Variants in C6orf118 observed in about 807,000 individuals in gnomAD.
C6orf118 encodes the protein chromosome 6 open reading frame 118, also known as uncharacterized protein C6orf118.
A neutral mutation model predicts 50.2 loss-of-function variants in C6orf118; 50 were observed. That is an observed-to-expected ratio of 1.00 (90% confidence interval 0.79 to 1.26). C6orf118 has a LOEUF of 1.26. Ranked by LOEUF, C6orf118 falls within the 50% of genes most tolerant of loss-of-function variation. The pLI is 0.00. For synonymous variants in C6orf118, 239 were observed against 230.9 expected (o/e 1.03, Z -0.32); for missense variants, 641 against 578.7 (o/e 1.11, Z -1.10).
chr6:165,291,677 A>G (rs117331290), intron 6 of C6orf118, among the ~76,000 whole-genome samples: 18 of 152,328 alleles, frequency 1.2e-4, no homozygotes, highest in Non-Finnish European at 2.4e-4. Context: ...TAGATTTGGA[A>G]TTTAAAAAAA....
intron 4 of C6orf118, 37 bp downstream of exon 4, chr6:165,299,406 G>A (rs368052996): frequency 9.4e-6 from 15 of 1,593,174 alleles, no homozygotes; most frequent in South Asian, 1.1e-5. Context: ...CTATGGATAA[G>A]CAGGCTCTAT....
At position 165,301,681 on chromosome 6, in the gene C6orf118, C is replaced by A. The variant is rs1465470792; in HGVS notation, c.641G>T (p.Arg214Met). 1 of 1,614,074 alleles carries A rather than the reference C, an allele frequency of 6.2e-7. No individual in the cohort carries two copies. Among genetic ancestry groups the A allele is most frequent in the Non-Finnish European group, 8.5e-7 (1 of 1,180,044 alleles). Residue 214 changes from arginine to methionine, a missense_variant, in exon 2 of 9, where the codon AGG (arginine) becomes ATG (methionine). Arg to Met is a moderately conservative substitution (Grantham distance 91). Transcript: ENST00000230301. ...CTGGAAACGCAGGAACATCCTGTAC[C>A]TGTCTGCGCTGGTGGCTCCGGCCAG... ...SYLAGATSAD[R>M]YRMFLRFQKE... is the part of the protein sequence containing the mutation.
At chr6:165,283,248 T>TC (rs1334456355) in intron 7 of C6orf118, among the ~76,000 whole-genome samples, 1 of 152,104 alleles carries the variant, frequency 6.6e-6, no homozygotes, top group East Asian at 1.9e-4. Flanking sequence ...AAGGGGACCT[T>TC]CCGCTCCCAG....
intron 5 of C6orf118, 24 bp from the exon 6 acceptor site, chr6:165,293,495 G>C (rs750635052): frequency 7.5e-6 from 12 of 1,595,264 alleles, no homozygotes; most frequent in Non-Finnish European, 1.0e-5. Flanking sequence ...ATAAACAATA[G>C]GGAAATATTA....
Position 165,286,540 on chromosome 6 carries a change from G to A in C6orf118, c.1302+3346C>T, listed in dbSNP as rs193107961. On this transcript the variant is annotated intron_variant, in intron 7 of 8. Transcript: ENST00000230301. ...TGCAAAAATCGTCAATAAAATACTG[G>A]CAAACCGAATACAGCAGCACATCTA... is the stretch of plus-strand genomic sequence containing the variant. Among the ~76,000 whole-genome samples, 127 of 152,166 alleles carry A rather than the reference G, an allele frequency of 8.3e-4. 1 individual carries two copies. Among genetic ancestry groups the A allele is most frequent in the African/African-American group, 3.0e-3 (123 of 41,520 alleles).
At chr6:165,287,462 C>A (rs1271537767) in intron 7 of C6orf118, among the ~76,000 whole-genome samples, 1 of 152,000 alleles carries the variant, frequency 6.6e-6, no homozygotes, top group Non-Finnish European at 1.5e-5. Flanking sequence ...CAAAAAAGAT[C>A]CCCTATAGCC....
intron 5 of C6orf118, among the ~76,000 whole-genome samples, chr6:165,295,171 C>T (rs1780246724): frequency 6.6e-6 from 1 of 152,138 alleles, no homozygotes; most frequent in Non-Finnish European, 1.5e-5. Flanking sequence ...TTCCCAATGC[C>T]TATTATGTTT....
chr6:165,286,943 A>G (rs532149706), intron 7 of C6orf118, among the ~76,000 whole-genome samples: 1 of 152,302 alleles, frequency 6.6e-6, no homozygotes, highest in South Asian at 2.1e-4. Flanking sequence ...ATCAGGCAAG[A>G]GAAAGAAATA....
intron 8 of C6orf118, among the ~76,000 whole-genome samples, chr6:165,281,065 A>C (rs546858906): frequency 6.6e-6 from 1 of 152,352 alleles, no homozygotes; most frequent in South Asian, 2.1e-4. Context: ...TATACCAATA[A>C]GTTTAGTTAT....
intron 1 of C6orf118, among the ~76,000 whole-genome samples, chr6:165,309,278 A>G (rs1339641066): frequency 6.6e-6 from 1 of 152,046 alleles, no homozygotes; most frequent in East Asian, 1.9e-4. Context: ...AGGCTTCCGG[A>G]GACTCCAACA....
At chr6:165,297,841 G>A in intron 5 of C6orf118, 136 bp downstream of exon 5, 1 of 1,264,740 alleles carries the variant, frequency 7.9e-7, no homozygotes. Context: ...ATAGCCAGAT[G>A]ACAGGCATGA....
intron 5 of C6orf118, among the ~76,000 whole-genome samples, chr6:165,296,271 T>G (rs980519810): frequency 3.5e-5 from 5 of 141,056 alleles, no homozygotes; most frequent in African/African-American, 1.3e-4. Context: ...TTTTTTTTTT[T>G]TTTTTTGCCT....
At chr6:165,294,161 G>T (rs1332956393) in intron 5 of C6orf118, among the ~76,000 whole-genome samples, 2 of 150,866 alleles carry the variant, frequency 1.3e-5, no homozygotes, top group African/African-American at 2.4e-5. Context: ...CAGGAGAATG[G>T]CATGAACCCG....
At chr6:165,281,424 G>T in intron 8 of C6orf118, 2 of 1,074,806 alleles carry the variant, frequency 1.9e-6, no homozygotes, top group Non-Finnish European at 2.4e-6. Flanking sequence ...TTAAATAACT[G>T]ATCTTGAGAA....
chr6:165,281,708 G>A lies in C6orf118; in HGVS notation c.1303-15C>T, dbSNP rs1275060118. On this transcript the variant is annotated splice_polypyrimidine_tract_variant and intron_variant, in intron 7 of 8. Transcript: ENST00000230301. ...ATAGCTTCATGCTGGAAGAGAAGTT[G>A]TTTTAAACACAATATACTTGGTTAA... is the stretch of plus-strand genomic sequence containing the variant. 2 of 1,443,098 alleles carry A rather than the reference G, an allele frequency of 1.4e-6. No individual in the cohort carries two copies. The highest frequency in any genetic ancestry group is 1.9e-6 in the Non-Finnish European group (2 of 1,076,116). 89.4% of individuals were successfully genotyped at this position (1,443,098 alleles called of 1,614,324 possible).
At chr6:165,298,260 G>A (rs542677091) in intron 4 of C6orf118, among the ~76,000 whole-genome samples, 159 bp from the exon 5 acceptor site, 95 of 152,262 alleles carry the variant, frequency 6.2e-4, no homozygotes, top group African/African-American at 1.9e-3. Context: ...AGGGAGGGCC[G>A]TTGGGGGAGG....
At chr6:165,299,760 G>A (rs1055652419) in intron 3 of C6orf118, among the ~76,000 whole-genome samples, 2 of 152,018 alleles carry the variant, frequency 1.3e-5, no homozygotes, top group African/African-American at 4.8e-5. Context: ...ATAAAATATT[G>A]AGGCAATCTC....
intron 3 of C6orf118, among the ~76,000 whole-genome samples, chr6:165,299,720 A>C (rs1325111865): frequency 6.6e-6 from 1 of 152,252 alleles, no homozygotes; most frequent in Non-Finnish European, 1.5e-5. Flanking sequence ...TGATTACCTC[A>C]GAATATCATA....
intron 1 of C6orf118, among the ~76,000 whole-genome samples, chr6:165,303,204 G>A (rs1006426457): frequency 1.8e-4 from 27 of 152,308 alleles, no homozygotes; most frequent in Middle Eastern, 3.4e-3. Flanking sequence ...GCTGAATACT[G>A]GAGCCAATAT....
Sources: allele counts gnomAD v4.1 joint callset (sites outside exome capture counted in the v4.1 genomes callset), GRCh38; gene constraint gnomAD v4.1.1; transcripts MANE v1.5; gene names NCBI Gene and HGNC (gene_info 2026-07-23, HGNC 2026-07-21).